SEMA3A: variants seen among roughly 807,000 people sequenced by gnomAD.
The protein encoded by SEMA3A is semaphorin-3A.
A neutral mutation model predicts 97.9 loss-of-function variants in SEMA3A; 29 were observed. The observed-to-expected ratio is 0.30, with a 90% CI of 0.22 to 0.40. SEMA3A has a LOEUF of 0.40. Among genes scored for constraint, SEMA3A ranks in the 10% least tolerant of loss-of-function variants. The probability of loss-of-function intolerance (pLI) is 1.00; values close to 1 mark genes in which losing one functional copy is unlikely to be tolerated. For missense variants in SEMA3A, 763 were observed against 951.3 expected (o/e 0.80, Z 2.60); for synonymous variants, 321 against 323.7 (o/e 0.99, Z 0.09).
chr7:84,094,189 T>C (rs957524785), intron 4 of SEMA3A, among the ~76,000 whole-genome samples: 6 of 152,154 alleles, frequency 3.9e-5, no homozygotes, highest in Non-Finnish European at 7.4e-5. Context: ...TATGCCTTGG[T>C]GACGTTTACA....
At position 84,302,659 on chromosome 7, in the gene SEMA3A, C is replaced by T. The variant is rs562488159; in HGVS notation, c.-83+4548G>A. ...GGGGGTCACACATTTGTTTTGTTCA[C>T]GAAAACAAAAATTGCTGCTTATGAC... On this transcript the variant is annotated intron_variant, in intron 3 of 3. Transcript: ENST00000424555. 5.3e-5 allele frequency among the ~76,000 whole-genome samples: 8 copies of T among 151,780 alleles called. 1 individual carries two copies. Among genetic ancestry groups the T allele is most frequent in the African/African-American group, 1.7e-4 (7 of 41,338 alleles).
intron 3 of SEMA3A, among the ~76,000 whole-genome samples, chr7:84,294,814 C>T (rs1584210892): frequency 2.0e-5 from 3 of 152,082 alleles, no homozygotes; most frequent in East Asian, 1.9e-4. Context: ...ATACGTGTCC[C>T]CCCACAGAAA....
intron 1 of SEMA3A, among the ~76,000 whole-genome samples, chr7:84,440,799 T>C (rs548090076): frequency 1.3e-5 from 2 of 152,250 alleles, no homozygotes; most frequent in East Asian, 3.9e-4. Flanking sequence ...TGTTATTAGA[T>C]TCAAATGTCC....
intron 2 of SEMA3A, among the ~76,000 whole-genome samples, chr7:84,366,985 T>G (rs1452778788): frequency 7.0e-6 from 1 of 142,476 alleles, no homozygotes; most frequent in South Asian, 2.2e-4. Context: ...CCTTTAATCT[T>G]AAAAAAAAAA....
At chr7:84,020,801 G>T (rs554010147) in intron 6 of SEMA3A, among the ~76,000 whole-genome samples, 2 of 152,032 alleles carry the variant, frequency 1.3e-5, no homozygotes, top group East Asian at 3.9e-4. Context: ...TTATTTTACA[G>T]TAATATTTTG....
intron 3 of SEMA3A, among the ~76,000 whole-genome samples, chr7:84,242,043 G>C (rs1799376108): frequency 6.6e-6 from 1 of 152,152 alleles, no homozygotes; most frequent in South Asian, 2.1e-4. Flanking sequence ...TTGTAGTATA[G>C]TTTCAAGTCA....
chr7:84,340,171 A>T (rs1802129205), intron 2 of SEMA3A, among the ~76,000 whole-genome samples: 2 of 152,166 alleles, frequency 1.3e-5, no homozygotes, highest in Non-Finnish European at 2.9e-5. Flanking sequence ...TGAACATGAG[A>T]TTATTATAAA....
At chr7:84,420,968 A>AT (rs917788917) in intron 1 of SEMA3A, among the ~76,000 whole-genome samples, 1 of 151,612 alleles carries the variant, frequency 6.6e-6, no homozygotes, top group Non-Finnish European at 1.5e-5. Flanking sequence ...TTTTTAAAGG[A>AT]TTTTTTGTGT....
At chr7:84,066,550 G>A (rs1793507316) in intron 4 of SEMA3A, among the ~76,000 whole-genome samples, 1 of 149,886 alleles carries the variant, frequency 6.7e-6, no homozygotes, top group Admixed American at 6.6e-5. Context: ...ATCTCCTTAA[G>A]CTGATAAGCA....
intron 1 of SEMA3A, among the ~76,000 whole-genome samples, chr7:84,436,094 T>A (rs1805121325): frequency 6.6e-6 from 1 of 152,176 alleles, no homozygotes; most frequent in Non-Finnish European, 1.5e-5. Context: ...AACTTCCTAT[T>A]CAATAAATGG....
chr7:84,484,163 TA>T (rs1248586442), intron 1 of SEMA3A, among the ~76,000 whole-genome samples: 1 of 152,104 alleles, frequency 6.6e-6, no homozygotes, highest in East Asian at 1.9e-4. Flanking sequence ...AATATAGTAC[TA>T]AAAATATTAT....
chr7:84,019,533 CT>C (rs1459695702), intron 6 of SEMA3A, among the ~76,000 whole-genome samples: 3 of 151,940 alleles, frequency 2.0e-5, no homozygotes, highest in Non-Finnish European at 2.9e-5. Flanking sequence ...AATGACGTGT[CT>C]TTAAATACAA....
At chr7:84,095,680 T>C (rs914437104) in intron 4 of SEMA3A, among the ~76,000 whole-genome samples, 1 of 151,534 alleles carries the variant, frequency 6.6e-6, no homozygotes, top group Non-Finnish European at 1.5e-5. Context: ...AAGCATTTAG[T>C]CATTCTTGTC....
At chr7:84,407,481 T>C (rs920074114) in intron 1 of SEMA3A, among the ~76,000 whole-genome samples, 77 of 152,052 alleles carry the variant, frequency 5.1e-4, no homozygotes, top group Non-Finnish European at 7.6e-4. Context: ...AGGTAATTTA[T>C]AGATTCAATG....
chr7:83,996,241 T>A (rs997777428), intron 12 of SEMA3A, among the ~76,000 whole-genome samples: 3 of 152,122 alleles, frequency 2.0e-5, no homozygotes, highest in African/African-American at 7.2e-5. Context: ...TTTCAAGCAT[T>A]TTTAAAAGAG....
chr7:84,333,233 T>C (rs142416555), intron 2 of SEMA3A, among the ~76,000 whole-genome samples: 437 of 152,248 alleles, frequency 2.9e-3, no homozygotes, highest in African/African-American at 9.7e-3. Flanking sequence ...ACAAAAAACT[T>C]TGAGATCTCC....
At chr7:83,972,600 G>T (rs868800108) in intron 15 of SEMA3A, among the ~76,000 whole-genome samples, 3 of 152,034 alleles carry the variant, frequency 2.0e-5, no homozygotes, top group Non-Finnish European at 2.9e-5. Context: ...CCCATTTGCT[G>T]AAGCAGAAAC....
intron 15 of SEMA3A, 28 bp from the exon 16 acceptor site, chr7:83,963,375 G>A: frequency 6.3e-7 from 1 of 1,593,016 alleles, no homozygotes; most frequent in Non-Finnish European, 8.6e-7. Flanking sequence ...AATGCAATGA[G>A]AAAATATTAG....
intron 4 of SEMA3A, among the ~76,000 whole-genome samples, chr7:84,086,581 ATATAT>A (rs1376097519): frequency 2.2e-5 from 3 of 135,248 alleles, no homozygotes; most frequent in African/African-American, 7.9e-5. Flanking sequence ...TTTACATATA[ATATAT>A]TATTATATTA....
Sources: gnomAD v4.1 joint callset for allele counts (sites outside exome capture counted in the v4.1 genomes callset) on GRCh38, gnomAD v4.1.1 for gene constraint, MANE v1.5 for transcripts, NCBI Gene and HGNC (gene_info 2026-07-23, HGNC 2026-07-21) for gene names.